Variants in ISY1 observed in about 807,000 individuals in gnomAD.
ISY1 encodes the protein pre-mRNA-splicing factor ISY1 homolog.
In ISY1, 12 loss-of-function variants were observed where a neutral mutation model predicts 54.4. The observed-to-expected ratio is 0.22, with a 90% CI of 0.14 to 0.36. ISY1 has a LOEUF of 0.36. Ranked by LOEUF, ISY1 falls within the 10% of genes least tolerant of loss-of-function variation. The probability of loss-of-function intolerance (pLI) is 1.00; values close to 1 mark genes in which losing one functional copy is unlikely to be tolerated. For synonymous variants in ISY1, 96 were observed against 117.9 expected (o/e 0.81, Z 1.20); for missense variants, 282 against 342.2 (o/e 0.82, Z 1.39).
intron 1 of ISY1, 145 bp from the exon 2 acceptor site, chr3:129,159,321 C>A: frequency 9.2e-7 from 1 of 1,081,572 alleles, no homozygotes. Context: ...AAACAAAAAT[C>A]AAAAGATGTC....
intron 3 of ISY1, among the ~76,000 whole-genome samples, chr3:129,157,452 G>A (rs112295124): frequency 5.3e-5 from 8 of 152,102 alleles, no homozygotes; most frequent in Admixed American, 4.6e-4. Context: ...TGGGCACGGC[G>A]GTTCATCTCT....
chr3:129,153,980 C>G (rs1185005867), intron 5 of ISY1, among the ~76,000 whole-genome samples: 1 of 151,624 alleles, frequency 6.6e-6, no homozygotes, highest in Non-Finnish European at 1.5e-5. Context: ...CCATGGCTCA[C>G]GCCTGTAATC....
Position 129,145,908 on chromosome 3 carries a change from A to G in ISY1, c.188-35T>C, listed in dbSNP as rs757194849. 3.1e-6 allele frequency: 5 copies of G among 1,606,580 alleles called. No individual in the cohort carries two copies. In the East Asian group the frequency reaches 1.1e-4, roughly 36 times the overall value. On this transcript the variant is annotated intron_variant, in intron 5 of 10. Coordinates refer to ENST00000393295, the MANE Select transcript of ISY1 (RefSeq NM_020701.4). Reference sequence around the variant, plus strand: ...AAAAAGGTTAACAATATCATTCCATAAAAATGAATGTCAACACCTCTAACA... The same window carrying G: ...AAAAAGGTTAACAATATCATTCCATGAAAATGAATGTCAACACCTCTAACA...
intron 5 of ISY1, among the ~76,000 whole-genome samples, chr3:129,148,437 C>G (rs181377247): frequency 6.6e-6 from 1 of 152,300 alleles, no homozygotes; most frequent in African/African-American, 2.4e-5. Context: ...CACATATTCA[C>G]CAGCACTTGG....
chr3:129,160,380 G>C (rs1055804887), intron 1 of ISY1, among the ~76,000 whole-genome samples: 1 of 151,932 alleles, frequency 6.6e-6, no homozygotes, highest in Non-Finnish European at 1.5e-5. Context: ...CGTCGTAAAT[G>C]CTTCTTGAAG....
chr3:129,147,706 T>C (rs572061761), intron 5 of ISY1, among the ~76,000 whole-genome samples: 1 of 152,308 alleles, frequency 6.6e-6, no homozygotes, highest in East Asian at 1.9e-4. Flanking sequence ...TATAATCATG[T>C]AATCATCACC....
intron 5 of ISY1, among the ~76,000 whole-genome samples, chr3:129,154,109 G>A (rs1429571295): frequency 1.3e-5 from 2 of 152,054 alleles, no homozygotes; most frequent in African/African-American, 4.8e-5. Context: ...AGGCGAGGGG[G>A]TGGGCGCCTG....
At chr3:129,154,931 G>A (rs968803295) in intron 5 of ISY1, among the ~76,000 whole-genome samples, 8 of 151,400 alleles carry the variant, frequency 5.3e-5, no homozygotes, top group African/African-American at 1.5e-4. Flanking sequence ...CTCGTCATCC[G>A]CCCGCCTCGG....
Position 129,158,514 on chromosome 3 carries a change from T to G in ISY1, c.72A>C (p.Lys24Asn). The change falls in exon 3 of 11, where the codon AAA becomes AAC. Residue 24 changes from lysine (K) to asparagine (N), a missense_variant. Physicochemically the swap from Lys to Asn is moderately conservative, Grantham distance 94. Coordinates refer to ENST00000393295, the MANE Select transcript of ISY1 (RefSeq NM_020701.4). ...GAGGAAGATTTACACCAACCTTCACTTTTCCCTCTTCCAGCTGAGCCTGGC... is the reference window on the plus strand; with the variant it reads ...GAGGAAGATTTACACCAACCTTCACGTTTCCCTCTTCCAGCTGAGCCTGGC... ...RFRQAQLEEG[K>N]VKERRPFLAS... 6.2e-7 allele frequency: 1 copy of G among 1,613,918 alleles called. No homozygotes were observed. The highest frequency in any genetic ancestry group is 8.5e-7 in the Non-Finnish European group (1 of 1,179,990).
chr3:129,147,251 C>T (rs906472657), intron 5 of ISY1, among the ~76,000 whole-genome samples: 6 of 151,704 alleles, frequency 4.0e-5, no homozygotes, highest in African/African-American at 1.5e-4. Context: ...ATGGTGCACG[C>T]TTGTAATCCC....
rs1185366611 is a variant in ISY1, at chr3:129,127,936, T to C, written c.*2145A>G. The C allele has an allele frequency of 6.6e-6, 1 of 152,288 alleles. No homozygotes were observed. Among genetic ancestry groups the C allele is most frequent in the Non-Finnish European group, 1.5e-5 (1 of 68,112 alleles). 9.4% of individuals were successfully genotyped at this position (152,288 alleles called of 1,614,324 possible). ...GCCAGGAAGCACCAGAGTGCGCGTG[T>C]GCCCCTTGGAAGACAAACCCACAAC... On this transcript the variant is annotated 3_prime_UTR_variant, in exon 11 of 11. Coordinates refer to ENST00000393295, the MANE Select transcript of ISY1 (RefSeq NM_020701.4).
chr3:129,141,959 CT>C (rs1306736338), intron 6 of ISY1, among the ~76,000 whole-genome samples: 1 of 151,984 alleles, frequency 6.6e-6, no homozygotes, highest in Non-Finnish European at 1.5e-5. Context: ...AATCCCAGCA[CT>C]TTGTGAGACC....
At chr3:129,145,956 TA>T in intron 5 of ISY1, 83 bp from the exon 6 acceptor site, 1 of 1,352,176 alleles carries the variant, frequency 7.4e-7, no homozygotes, top group South Asian at 1.3e-5. Flanking sequence ...ATCATATCCT[TA>T]AAATGAATGT....
chr3:129,159,647 C>G (rs549540307), intron 1 of ISY1, among the ~76,000 whole-genome samples: 209 of 152,294 alleles, frequency 1.4e-3, no homozygotes, highest in Non-Finnish European at 2.7e-3. Flanking sequence ...AATGTCAACT[C>G]AATTATCCCT....
rs370207100 is a variant in ISY1 at position 129,145,902 on chromosome 3, T to C, written c.188-29A>G. ...GAAAACAAAAAGGTTAACAATATCA[T>C]TCCATAAAAATGAATGTCAACACCT... On this transcript the variant is annotated intron_variant, in intron 5 of 10. Coordinates refer to ENST00000393295, the MANE Select transcript of ISY1 (RefSeq NM_020701.4). The C allele has an allele frequency of 4.3e-5, 69 of 1,610,206 alleles. No individual in the cohort carries two copies. In the East Asian group the frequency reaches 6.0e-4, roughly 14 times the overall value.
At chr3:129,138,045 G>C (rs1936476847) in intron 7 of ISY1, among the ~76,000 whole-genome samples, 2 of 148,732 alleles carry the variant, frequency 1.3e-5, no homozygotes, top group Non-Finnish European at 3.0e-5. Flanking sequence ...GGGAGACCAA[G>C]GCGGGCGGAT....
In ISY1 at chr3:129,127,922, CCA is replaced by C. The variant is rs1230054081; in HGVS notation, c.*2157_*2158del. On this transcript the variant is annotated 3_prime_UTR_variant, in exon 11 of 11. Coordinates refer to ENST00000393295, the MANE Select transcript of ISY1 (RefSeq NM_020701.4). ...ATTCTCTTCTGAATGCCAGGAAGCA[CCA>C]GAGTGCGCGTGTGCCCCTTGGAAGA... 6.6e-6 allele frequency: 1 copy of C among 152,286 alleles called. No homozygotes were observed. Among genetic ancestry groups the C allele is most frequent in the African/African-American group, 2.4e-5 (1 of 41,456 alleles). The allele number at this position is 152,286 out of a possible 1,614,324, so 9.4% of individuals were successfully genotyped here.
intron 6 of ISY1, among the ~76,000 whole-genome samples, chr3:129,144,895 A>ATGTGAG (rs757945776): frequency 2.6e-5 from 4 of 152,166 alleles, no homozygotes; most frequent in Non-Finnish European, 5.9e-5. Context: ...CACTTAAAGA[A>ATGTGAG]TGTGAGGAAC....
At chr3:129,133,305 A>C (rs1936287266) in intron 9 of ISY1, among the ~76,000 whole-genome samples, 1 of 152,254 alleles carries the variant, frequency 6.6e-6, no homozygotes, top group Non-Finnish European at 1.5e-5. Context: ...AAAAGATCAG[A>C]AAATATGCAA....
Sources: allele counts gnomAD v4.1 joint callset (sites outside exome capture counted in the v4.1 genomes callset), GRCh38; gene constraint gnomAD v4.1.1; transcripts MANE v1.5; gene names NCBI Gene and HGNC (gene_info 2026-07-23, HGNC 2026-07-21).